The following MN1 variants were observed in gnomAD, a reference collection of about 807,000 sequenced individuals.
MN1 encodes the protein MN1 proto-oncogene, transcriptional regulator.
Under a neutral mutation model 86.9 loss-of-function variants are expected in MN1, and 19 were observed. That is an observed-to-expected ratio of 0.22 (90% CI 0.15 to 0.32). The LOEUF (loss-of-function observed/expected upper bound fraction) is 0.32, where lower values mean the gene tolerates loss of function less well. MN1 is among the 10% of genes least tolerant of loss of function. The probability of loss-of-function intolerance (pLI) is 1.00; values close to 1 mark genes in which losing one functional copy is unlikely to be tolerated. For missense variants in MN1, 1,841 were observed against 1,862.0 expected (o/e 0.99, Z 0.21); for synonymous variants, 928 against 849.6 (o/e 1.09, Z -1.60).
Position 27,799,476 on chromosome 22 carries a change from C to A in MN1, c.1068G>T (p.Pro356=). 6.9e-7 allele frequency: 1 copy of A among 1,452,710 alleles called. No individual in the cohort carries two copies. The highest frequency in any genetic ancestry group is 2.5e-5 in the East Asian group (1 of 39,560). The allele number at this position is 1,452,710 out of a possible 1,614,324, so 90.0% of individuals were successfully genotyped here. ...PPPQQQPPQQ[P]PQQQPPPPPG... Reference sequence around the variant, plus strand: ...GTGGCGGCGGCGGCTGCTGCTGTGGCGGCTGCTGCGGGGGCTGCTGCTGAG... The same window carrying A: ...GTGGCGGCGGCGGCTGCTGCTGTGGAGGCTGCTGCGGGGGCTGCTGCTGAG... The change falls in exon 1 of 2, where the codon CCG becomes CCT. Residue 356 remains proline (P), a synonymous_variant. Coordinates refer to ENST00000302326, the MANE Select transcript of MN1 (RefSeq NM_002430.3).
At chr22:27,768,678 C>T (rs969311470) in intron 1 of MN1, among the ~76,000 whole-genome samples, 3 of 152,116 alleles carry the variant, frequency 2.0e-5, no homozygotes, top group Non-Finnish European at 4.4e-5. Context: ...TGGTGTTGCA[C>T]GCCTATAATC....
chr22:27,761,942 C>T (rs755845621), intron 1 of MN1, among the ~76,000 whole-genome samples: 1 of 152,202 alleles, frequency 6.6e-6, no homozygotes, highest in Non-Finnish European at 1.5e-5. Context: ...GAGCTGGGGG[C>T]AGGACCGGGG....
At chr22:27,753,715 A>T (rs554537200) in intron 1 of MN1, among the ~76,000 whole-genome samples, 1 of 152,266 alleles carries the variant, frequency 6.6e-6, no homozygotes, top group African/African-American at 2.4e-5. Flanking sequence ...CTTCCTGGGG[A>T]GAAGGTACAC....
At position 27,749,246 on chromosome 22, in the gene MN1, A is replaced by G; in HGVS notation, c.*1669T>C. The G allele has an allele frequency of 4.3e-6, 1 of 231,216 alleles. No homozygotes were observed. The highest frequency in any genetic ancestry group is 6.1e-5 in the East Asian group (1 of 16,290). 14.3% of individuals were successfully genotyped at this position (231,216 alleles called of 1,614,324 possible). On this transcript the variant is annotated 3_prime_UTR_variant, in exon 2 of 2. Coordinates refer to ENST00000302326, the MANE Select transcript of MN1 (RefSeq NM_002430.3). ...CCTTCGCTGAAAAGTTCTTTGAAAT[A>G]AACAACGTGGGTGTTGTATGGTGAG...
chr22:27,777,550 A>G (rs1248519117), intron 1 of MN1, among the ~76,000 whole-genome samples: 1 of 141,266 alleles, frequency 7.1e-6, no homozygotes, highest in Non-Finnish European at 1.5e-5. Flanking sequence ...AAAAAAAAAG[A>G]GAGAGAGAAA....
chr22:27,760,293 C>T (rs561597504), intron 1 of MN1, among the ~76,000 whole-genome samples: 2 of 151,350 alleles, frequency 1.3e-5, no homozygotes, highest in Non-Finnish European at 2.9e-5. Flanking sequence ...TGCAGTGAGC[C>T]GAGATCACAC....
At chr22:27,783,076 G>C (rs544949665) in intron 1 of MN1, among the ~76,000 whole-genome samples, 5 of 152,078 alleles carry the variant, frequency 3.3e-5, no homozygotes, top group African/African-American at 1.2e-4. Context: ...CTCCACAAGA[G>C]GAAGGGAACA....
chr22:27,756,597 G>T (rs1040169935), intron 1 of MN1, among the ~76,000 whole-genome samples: 4 of 152,174 alleles, frequency 2.6e-5, no homozygotes, highest in African/African-American at 4.8e-5. Context: ...CGGGCTAGGT[G>T]CTCACCTCTT....
intron 1 of MN1, among the ~76,000 whole-genome samples, chr22:27,768,597 T>C (rs994678601): frequency 2.0e-5 from 3 of 152,168 alleles, no homozygotes; most frequent in African/African-American, 7.2e-5. Context: ...AGTTGGGTTG[T>C]CCAACATGGT....
At position 27,798,701 on chromosome 22, in the gene MN1, G is replaced by C. The variant is rs899142701; in HGVS notation, c.1843C>G (p.Leu615Val). The change falls in exon 1 of 2, where the codon CTG becomes GTG. Residue 615 changes from leucine (L) to valine (V), a missense_variant. Coordinates refer to ENST00000302326, the MANE Select transcript of MN1 (RefSeq NM_002430.3). ...REGGSTGAGR[L>V]GTFEQQAPHL... ...GGCGCCTGCTGCTCGAAGGTGCCCA[G>C]ACGCCCGGCGCCCGTGCTGCCGCCT... The C allele has an allele frequency of 1.7e-5, 26 of 1,535,632 alleles. No homozygotes were observed. Among genetic ancestry groups the C allele is most frequent in the Non-Finnish European group, 2.3e-5 (26 of 1,147,452 alleles).
rs536611811 is a variant in MN1, at chr22:27,794,976, C to G, written c.3781+1787G>C. 2.1e-5 allele frequency among the ~76,000 whole-genome samples: 3 copies of G among 143,722 alleles called. No individual in the cohort carries two copies. The South Asian group carries it at 6.4e-4, about 31-fold the overall frequency. The allele number at this position is 143,722 out of a possible 152,430, so 94.3% of individuals were successfully genotyped here. ...GCTGAGATTTGTGCTAACCAGCTAT[C>G]GATCGGGCCAGATCGAGATGTCGTG... On this transcript the variant is annotated intron_variant, in intron 1 of 1. Transcript: ENST00000302326.
intron 1 of MN1, among the ~76,000 whole-genome samples, chr22:27,754,604 G>A (rs1000200537): frequency 1.3e-5 from 2 of 152,204 alleles, no homozygotes; most frequent in Non-Finnish European, 2.9e-5. Context: ...CCTCCCGCTG[G>A]ATTCATTCCA....
intron 1 of MN1, among the ~76,000 whole-genome samples, chr22:27,761,662 G>C (rs1932835920): frequency 6.6e-6 from 1 of 152,192 alleles, no homozygotes; most frequent in African/African-American, 2.4e-5. Context: ...CCTGGGCACA[G>C]AGCCAGGTGC....
chr22:27,764,876 C>A (rs1568972855), intron 1 of MN1, among the ~76,000 whole-genome samples: 2 of 152,336 alleles, frequency 1.3e-5, no homozygotes, highest in South Asian at 2.1e-4. Context: ...CAGCCCACTA[C>A]AGCACACAAG....
Position 27,800,087 on chromosome 22 carries a change from A to G in MN1, c.457T>C (p.Tyr153His). 1 of 1,593,744 alleles carries G rather than the reference A, an allele frequency of 6.3e-7. No homozygotes were observed. Among genetic ancestry groups the G allele is most frequent in the East Asian group, 2.3e-5 (1 of 44,430 alleles). Residue 153 changes from tyrosine (Y) to histidine (H), a missense_variant, in exon 1 of 2, where the codon TAT (tyrosine) becomes CAT (histidine). Coordinates refer to ENST00000302326, the MANE Select transcript of MN1 (RefSeq NM_002430.3). ...LGSQPPFAEGYEHMAESQGPE... is the reference protein window; with the variant it reads ...LGSQPPFAEGHEHMAESQGPE... ...CCCTGGCTCTCCGCCATGTGCTCATAGCCCTCGGCGAAGGGCGGCTGGCTG... is the reference window on the plus strand; with the variant it reads ...CCCTGGCTCTCCGCCATGTGCTCATGGCCCTCGGCGAAGGGCGGCTGGCTG...
chr22:27,800,769 G>C lies in MN1; in HGVS notation c.-226C>G. On this transcript the variant is annotated 5_prime_UTR_variant, in exon 1 of 2. Transcript: ENST00000302326. Reference sequence around the variant, plus strand: ...GCCCGGGGAGGGCCTCTCACATCTTGCGAGGCCGCGGGGCCTCTAGGAGCC... The same window carrying C: ...GCCCGGGGAGGGCCTCTCACATCTTCCGAGGCCGCGGGGCCTCTAGGAGCC... The C allele has an allele frequency of 4.9e-6, 3 of 608,298 alleles. No homozygotes were observed. Among genetic ancestry groups the C allele is most frequent in the Non-Finnish European group, 8.5e-6 (3 of 350,956 alleles). The allele number at this position is 608,298 out of a possible 1,614,324, so 37.7% of individuals were successfully genotyped here. A position where few individuals can be genotyped will look rare whatever the true frequency, so the allele number is the denominator to read the frequency against.
intron 1 of MN1, among the ~76,000 whole-genome samples, chr22:27,770,923 G>C (rs968096179): frequency 6.6e-6 from 1 of 151,732 alleles, no homozygotes; most frequent in African/African-American, 2.4e-5. Flanking sequence ...GCCTCCCAAA[G>C]TGCTGGGATT....
intron 1 of MN1, among the ~76,000 whole-genome samples, chr22:27,777,533 TAA>T (rs34223272): frequency 0.013 from 1,665 of 132,510 alleles, 28 homozygotes; most frequent in African/African-American, 0.041. Flanking sequence ...ACCTTGTTTC[TAA>T]AAAAAAAAAA....
chr22:27,772,392 T>G (rs1325135169), intron 1 of MN1, among the ~76,000 whole-genome samples: 2 of 151,966 alleles, frequency 1.3e-5, no homozygotes, highest in African/African-American at 4.8e-5. Flanking sequence ...TTCGAGGGAG[T>G]TGGGGTGGAA....
Sources: gnomAD v4.1 joint callset for allele counts (sites outside exome capture counted in the v4.1 genomes callset) on GRCh38, gnomAD v4.1.1 for gene constraint, MANE v1.5 for transcripts, NCBI Gene and HGNC (gene_info 2026-07-23, HGNC 2026-07-21) for gene names.